CTNNA2: variants seen among roughly 807,000 people sequenced by gnomAD.
The protein encoded by CTNNA2 is catenin alpha 2.
A neutral mutation model predicts 101.0 loss-of-function variants in CTNNA2; 42 were observed. That is an observed-to-expected ratio of 0.42 (90% confidence interval 0.32 to 0.54). CTNNA2 has a LOEUF of 0.54. CTNNA2 is among the 20% of genes least tolerant of loss of function. CTNNA2 has a pLI of 0.14. For missense variants in CTNNA2, 871 were observed against 1,223.1 expected (o/e 0.71, Z 4.29); for synonymous variants, 450 against 456.4 (o/e 0.99, Z 0.18).
chr2:80,389,511 T>G (rs1301710910), intron 7 of CTNNA2, among the ~76,000 whole-genome samples: 1 of 152,080 alleles, frequency 6.6e-6, no homozygotes, highest in Non-Finnish European at 1.5e-5. Flanking sequence ...CTCTCCCTCT[T>G]TTCCTCTCTC....
chr2:79,817,466 C>G (rs1196180478), intron 3 of CTNNA2, among the ~76,000 whole-genome samples: 1 of 151,968 alleles, frequency 6.6e-6, no homozygotes, highest in Non-Finnish European at 1.5e-5. Flanking sequence ...CAGTCTCACT[C>G]TCAAAGCATT....
intron 7 of CTNNA2, among the ~76,000 whole-genome samples, chr2:80,030,944 TAAAC>T (rs1257888289): frequency 6.6e-6 from 1 of 152,146 alleles, no homozygotes; most frequent in African/African-American, 2.4e-5. Context: ...TAACAAAAAT[TAAAC>T]AAATTTATTC....
At chr2:80,238,464 T>C (rs1005580394) in intron 7 of CTNNA2, among the ~76,000 whole-genome samples, 11 of 152,154 alleles carry the variant, frequency 7.2e-5, no homozygotes, top group African/African-American at 2.7e-4. Flanking sequence ...TGATGTGCCT[T>C]TTTATTATGA....
In CTNNA2 at chr2:79,827,232, T is replaced by G. The variant is rs149331394; in HGVS notation, c.299-30781T>G. On this transcript the variant is annotated intron_variant, in intron 3 of 18. Coordinates refer to ENST00000402739, the MANE Select transcript of CTNNA2 (RefSeq NM_001282597.3). ...TTTTTTATTTTTAGTAGAAACAGAG[T>G]TTTACCACATTGGCCAGGCTGTCTC... Among the ~76,000 whole-genome samples the G allele has an allele frequency of 5.5e-4, 83 of 152,068 alleles. No individual in the cohort carries two copies. The East Asian group carries it at 0.014, about 25-fold the overall frequency.
At chr2:79,464,355 T>A (rs1303756892) in intron 4 of CTNNA2, among the ~76,000 whole-genome samples, 1 of 152,222 alleles carries the variant, frequency 6.6e-6, no homozygotes, top group Non-Finnish European at 1.5e-5. Context: ...GGTGTATATA[T>A]GCCACATTTT....
At chr2:79,494,506 G>A (rs1224866322) in intron 4 of CTNNA2, among the ~76,000 whole-genome samples, 1 of 152,094 alleles carries the variant, frequency 6.6e-6, no homozygotes, top group African/African-American at 2.4e-5. Flanking sequence ...AAGTAAAACT[G>A]CACATTAGTG....
At chr2:80,090,355 TAGAC>T (rs889560717) in intron 7 of CTNNA2, among the ~76,000 whole-genome samples, 7 of 152,058 alleles carry the variant, frequency 4.6e-5, no homozygotes, top group African/African-American at 1.2e-4. Flanking sequence ...AACTAAAGAA[TAGAC>T]AGACAGTCTG....
intron 3 of CTNNA2, among the ~76,000 whole-genome samples, chr2:79,780,107 T>C (rs902025536): frequency 1.4e-4 from 22 of 152,186 alleles, no homozygotes; most frequent in Admixed American, 1.3e-4. Flanking sequence ...TTTCAACCAA[T>C]TGTCAATCAG....
intron 9 of CTNNA2, among the ~76,000 whole-genome samples, chr2:80,483,985 G>A (rs1017610672): frequency 2.0e-5 from 3 of 152,056 alleles, no homozygotes; most frequent in African/African-American, 7.2e-5. Flanking sequence ...GCTGCTTGAA[G>A]GAAAAAGAAT....
At chr2:79,384,773 G>A (rs1558654450) in intron 4 of CTNNA2, among the ~76,000 whole-genome samples, 1 of 151,970 alleles carries the variant, frequency 6.6e-6, no homozygotes, top group Admixed American at 6.6e-5. Flanking sequence ...AATTCTACCC[G>A]TGCTCAAGTC....
intron 3 of CTNNA2, among the ~76,000 whole-genome samples, chr2:79,810,568 G>A (rs1408065502): frequency 6.8e-6 from 1 of 147,752 alleles, no homozygotes; most frequent in Admixed American, 6.8e-5. Flanking sequence ...GGGTACATGT[G>A]CACAATGTAC....
chr2:79,605,029 G>C (rs1558765673), intron 1 of CTNNA2, among the ~76,000 whole-genome samples: 2 of 152,080 alleles, frequency 1.3e-5, no homozygotes, highest in Non-Finnish European at 2.9e-5. Flanking sequence ...TCATAATAAG[G>C]ACACAAAGCA....
At chr2:79,321,808 C>T (rs916755229) in intron 3 of CTNNA2, among the ~76,000 whole-genome samples, 3 of 152,106 alleles carry the variant, frequency 2.0e-5, no homozygotes, top group Admixed American at 1.3e-4. Context: ...CACACACACA[C>T]ACACACACAC....
intron 2 of CTNNA2, among the ~76,000 whole-genome samples, chr2:79,655,197 C>A (rs576509513): frequency 6.6e-6 from 1 of 152,204 alleles, no homozygotes; most frequent in African/African-American, 2.4e-5. Context: ...AAGTGAGTGA[C>A]CTTTTCCTAG....
intron 7 of CTNNA2, among the ~76,000 whole-genome samples, chr2:80,075,748 A>C (rs1289960098): frequency 7.6e-6 from 1 of 131,854 alleles, no homozygotes; most frequent in Non-Finnish European, 1.6e-5. Flanking sequence ...ATATTATAAA[A>C]ATAATATTTA....
intron 18 of CTNNA2, among the ~76,000 whole-genome samples, chr2:80,644,499 T>A (rs1274361615): frequency 6.6e-6 from 1 of 152,152 alleles, no homozygotes; most frequent in Non-Finnish European, 1.5e-5. Flanking sequence ...GAAGTGAAGT[T>A]TTAGCCAACC....
At chr2:80,235,955 T>A (rs1356039986) in intron 7 of CTNNA2, among the ~76,000 whole-genome samples, 1 of 152,182 alleles carries the variant, frequency 6.6e-6, no homozygotes, top group South Asian at 2.1e-4. Flanking sequence ...CTGCTCTCCC[T>A]TTTCCCACCC....
intron 7 of CTNNA2, among the ~76,000 whole-genome samples, chr2:80,091,364 T>A (rs1300400848): frequency 6.6e-6 from 1 of 152,080 alleles, no homozygotes; most frequent in Non-Finnish European, 1.5e-5. Context: ...TGAAAAGACA[T>A]AATTAGTTTT....
chr2:79,499,394 A>G (rs1395459925), intron 4 of CTNNA2, among the ~76,000 whole-genome samples: 1 of 152,210 alleles, frequency 6.6e-6, no homozygotes, highest in Non-Finnish European at 1.5e-5. Context: ...TTGTCTGTGT[A>G]CATCTGAATG....
Sources: gnomAD v4.1 joint callset for allele counts (sites outside exome capture counted in the v4.1 genomes callset) on GRCh38, gnomAD v4.1.1 for gene constraint, MANE v1.5 for transcripts, NCBI Gene and HGNC (gene_info 2026-07-23, HGNC 2026-07-21) for gene names.